Variants in ZNF276 observed in about 807,000 individuals in gnomAD.
The protein encoded by ZNF276 is centromere protein Z.
In ZNF276, 59 loss-of-function variants were observed where a neutral mutation model predicts 63.9. That is an observed-to-expected ratio of 0.92 (90% confidence interval 0.75 to 1.15). The LOEUF is 1.15. Ranked by LOEUF, ZNF276 falls within the 50% of genes most tolerant of loss-of-function variation. ZNF276 has a pLI of 0.00. For synonymous variants in ZNF276, 496 were observed against 348.4 expected, an observed-to-expected ratio of 1.42 and a Z score of -4.72; for missense variants, 1,084 against 843.8, an observed-to-expected ratio of 1.28 and a Z score of -3.53.
In ZNF276 at chr16:89,722,946, GC is replaced by G; in HGVS notation, c.509+114del. 4 of 1,555,848 alleles carry G rather than the reference GC, an allele frequency of 2.6e-6. No homozygotes were observed. In the South Asian group the frequency reaches 4.8e-5, roughly 19 times the overall value. ...GGGAGCCTCTGGGTGGGGGGAATGG[GC>G]CATGCCCGGGTTCAGTGCCAACAGC... On this transcript the variant is annotated intron_variant, in intron 2 of 10. Transcript: ENST00000443381.
In ZNF276 at chr16:89,738,765, G is replaced by C. The variant is rs2151710229; in HGVS notation, c.*519G>C. On this transcript the variant is annotated 3_prime_UTR_variant, in exon 11 of 11. Transcript: ENST00000443381. ...CCGCCCACTAGGCCTCAGACCACAG[G>C]GGAGGGGCTCTGGCAGAAATAGTCG... The C allele has an allele frequency of 1.9e-6, 3 of 1,612,610 alleles. No individual in the cohort carries two copies. Among genetic ancestry groups the C allele is most frequent in the East Asian group, 4.5e-5 (2 of 44,836 alleles).
rs2061275833 is a variant in ZNF276 at position 89,721,588 on chromosome 16, G to A, written c.-53G>A. The A allele has an allele frequency of 6.9e-7, 1 of 1,458,356 alleles. No homozygotes were observed. Among genetic ancestry groups the A allele is most frequent in the Non-Finnish European group, 9.0e-7 (1 of 1,107,276 alleles). 90.3% of individuals were successfully genotyped at this position (1,458,356 alleles called of 1,614,324 possible). On this transcript the variant is annotated 5_prime_UTR_variant, in exon 1 of 11. Coordinates refer to ENST00000443381, the MANE Select transcript of ZNF276 (RefSeq NM_001113525.2). ...GCGGAGCCTAACGCCGGGTCCTCTA[G>A]GAACCTCGGGCCGGGCAGCACCCGC...
At chr16:89,736,185 C>G (rs1301632525) in intron 9 of ZNF276, among the ~76,000 whole-genome samples, 1 of 152,194 alleles carries the variant, frequency 6.6e-6, no homozygotes, top group Non-Finnish European at 1.5e-5. Flanking sequence ...GCCATGACGC[C>G]TGGGTAATTT....
At chr16:89,733,871 A>C in intron 8 of ZNF276, 50 bp from the exon 9 acceptor site, 1 of 1,581,042 alleles carries the variant, frequency 6.3e-7, no homozygotes, top group Non-Finnish European at 8.7e-7. Context: ...GGCTCGTGCC[A>C]TGTGGCCCGG....
chr16:89,733,950 C>A lies in ZNF276; in HGVS notation c.1386C>A (p.Val462=). The A allele has an allele frequency of 6.2e-7, 1 of 1,613,996 alleles. No homozygotes were observed. Among genetic ancestry groups the A allele is most frequent in the Non-Finnish European group, 8.5e-7 (1 of 1,180,026 alleles). Residue 462 remains valine, a synonymous_variant, in exon 9 of 11, where the codon GTC becomes GTA. Transcript: ENST00000443381. ...KKHIKEHHEE[V]RERPCPHPGC... ...ACATCAAGGAGCACCACGAGGAGGT[C>A]CGGGAGCGGCCCTGCCCCCACCCTG...
rs1274589878 is a variant in ZNF276, at chr16:89,733,825, T to G, written c.1357-96T>G. 3.4e-6 allele frequency: 4 copies of G among 1,168,500 alleles called. No homozygotes were observed. In the South Asian group the frequency reaches 5.2e-5, roughly 15 times the overall value. 72.4% of individuals were successfully genotyped at this position (1,168,500 alleles called of 1,614,324 possible). A position where few individuals can be genotyped will look rare whatever the true frequency, so the allele number is the denominator to read the frequency against. ...TGGTGTCGCTGGAGGAGGAGTTGGATCTGCCTTCCAGGGGCCTCAGCTGTC... is the reference window on the plus strand; with the variant it reads ...TGGTGTCGCTGGAGGAGGAGTTGGAGCTGCCTTCCAGGGGCCTCAGCTGTC... On this transcript the variant is annotated intron_variant, in intron 8 of 10. Coordinates refer to ENST00000443381, the MANE Select transcript of ZNF276 (RefSeq NM_001113525.2).
At chr16:89,735,122 C>T (rs1318098803) in intron 9 of ZNF276, among the ~76,000 whole-genome samples, 1 of 151,804 alleles carries the variant, frequency 6.6e-6, no homozygotes, top group African/African-American at 2.4e-5. Flanking sequence ...AACAGTGAGA[C>T]ACTGTCTCAA....
In ZNF276 at chr16:89,722,816, G is replaced by T; in HGVS notation, c.491G>T (p.Arg164Leu). The part of the protein sequence containing the change: ...LQRVNASPAG[R>L]RKPCAKVGAQ... Reference sequence around the variant, plus strand: ...AGGGTCAACGCCTCCCCGGCTGGTCGCCGGAAGCCTTGTGCAAAGTACGCC... The same window carrying T: ...AGGGTCAACGCCTCCCCGGCTGGTCTCCGGAAGCCTTGTGCAAAGTACGCC... The change falls in exon 2 of 11, where the codon CGC becomes CTC. Residue 164 changes from arginine to leucine, a missense_variant. Transcript: ENST00000443381. 1 of 1,603,568 alleles carries T rather than the reference G, an allele frequency of 6.2e-7. No individual in the cohort carries two copies.
Position 89,739,908 on chromosome 16 carries a change from C to T in ZNF276, c.*1662C>T. 6.3e-7 allele frequency: 1 copy of T among 1,589,362 alleles called. No individual in the cohort carries two copies. Among genetic ancestry groups the T allele is most frequent in the Non-Finnish European group, 8.6e-7 (1 of 1,165,210 alleles). ...TATAAACTTACTTAGCAAGGAACCT[C>T]AAGGAGGGCTCGTTCTTAACCATTT... is the stretch of plus-strand genomic sequence containing the variant. On this transcript the variant is annotated 3_prime_UTR_variant, in exon 11 of 11. Coordinates refer to ENST00000443381, the MANE Select transcript of ZNF276 (RefSeq NM_001113525.2).
intron 6 of ZNF276, chr16:89,733,002 GCGCCCT>G (rs1339611655): frequency 1.5e-5 from 4 of 268,098 alleles, no homozygotes; most frequent in East Asian, 8.1e-5. Context: ...GCTGTACCCT[GCGCCCT>G]CGCCCTCTGC....
chr16:89,720,590 C>T, upstream of ZNF276: 4 of 1,224,488 alleles, frequency 3.3e-6, no homozygotes, highest in Non-Finnish European at 4.1e-6. Flanking sequence ...AAGGTCACTG[C>T]ACGCCCGGCT....
At chr16:89,726,175 C>G (rs2061464432) in intron 4 of ZNF276, among the ~76,000 whole-genome samples, 1 of 152,046 alleles carries the variant, frequency 6.6e-6, no homozygotes, top group Non-Finnish European at 1.5e-5. Context: ...GCCACCACAC[C>G]CTGCTAATTT....
Position 89,740,490 on chromosome 16 carries a change from C to G in ZNF276, c.*2244C>G, listed in dbSNP as rs1450703260. On this transcript the variant is annotated 3_prime_UTR_variant, in exon 11 of 11. Transcript: ENST00000443381. ...TCTCTACTAAAAATACAAAAATTAG[C>G]CGGGTGTGACAGACTCACGCCTGTA... The G allele has an allele frequency of 2.8e-5, 13 of 467,896 alleles. No individual in the cohort carries two copies. In the Admixed American group the frequency reaches 4.8e-4, roughly 17 times the overall value. 29.0% of individuals were successfully genotyped at this position (467,896 alleles called of 1,614,324 possible).
At chr16:89,729,823 G>T (rs1317156862) in intron 6 of ZNF276, among the ~76,000 whole-genome samples, 1 of 152,190 alleles carries the variant, frequency 6.6e-6, no homozygotes, top group African/African-American at 2.4e-5. Flanking sequence ...AATGACTTCT[G>T]TGAGCTTGTT....
chr16:89,736,579 G>A (rs112788776), intron 9 of ZNF276, among the ~76,000 whole-genome samples: 4,323 of 151,436 alleles, frequency 0.029, 220 homozygotes, highest in African/African-American at 0.1. Flanking sequence ...GCCTGCCTTG[G>A]CCTTCCAAAG....
At chr16:89,735,889 T>A (rs2061852457) in intron 9 of ZNF276, among the ~76,000 whole-genome samples, 1 of 50,038 alleles carries the variant, frequency 2.0e-5, no homozygotes, top group Non-Finnish European at 3.5e-5. Flanking sequence ...GTGTTTTTTT[T>A]TGTTTGTTTG....
Position 89,723,653 on chromosome 16 carries a change from T to C in ZNF276, c.950T>C (p.Val317Ala). ...VAQPPSDSDAVGPRSGFPPQP... is the reference protein window; with the variant it reads ...VAQPPSDSDAAGPRSGFPPQP... ...CAGCCTCCTTCGGACAGCGACGCGGTGGGGCCCAGGTCGGGCTTCCCACCT... is the reference window on the plus strand; with the variant it reads ...CAGCCTCCTTCGGACAGCGACGCGGCGGGGCCCAGGTCGGGCTTCCCACCT... The change falls in exon 4 of 11, where the codon GTG becomes GCG. Residue 317 changes from valine (V) to alanine (A), a missense_variant. Coordinates refer to ENST00000443381, the MANE Select transcript of ZNF276 (RefSeq NM_001113525.2). 1 of 1,612,514 alleles carries C rather than the reference T, an allele frequency of 6.2e-7. No individual in the cohort carries two copies. The highest frequency in any genetic ancestry group is 8.5e-7 in the Non-Finnish European group (1 of 1,179,942).
chr16:89,728,163 C>A (rs2061524514), intron 5 of ZNF276, among the ~76,000 whole-genome samples: 1 of 148,334 alleles, frequency 6.7e-6, no homozygotes, highest in African/African-American at 2.5e-5. Flanking sequence ...CACCAGGACA[C>A]AAAACCGCAG....
rs921303215 is a variant in ZNF276 at position 89,739,360 on chromosome 16, T to A, written c.*1114T>A. 1.1e-5 allele frequency: 18 copies of A among 1,599,566 alleles called. No individual in the cohort carries two copies. In the African/African-American group the frequency reaches 2.0e-4, roughly 18 times the overall value. ...GGTAGCAGGTGATGCCAAGGGATAC[T>A]GCTCATCTGTGGAGCAGAGGCACAG... On this transcript the variant is annotated 3_prime_UTR_variant, in exon 11 of 11. Transcript: ENST00000443381.
Sources: allele counts gnomAD v4.1 joint callset (sites outside exome capture counted in the v4.1 genomes callset), GRCh38; gene constraint gnomAD v4.1.1; transcripts MANE v1.5; gene names NCBI Gene and HGNC (gene_info 2026-07-23, HGNC 2026-07-21).